Variants in ANGEL2 observed in about 807,000 individuals in gnomAD.
ANGEL2 encodes the protein RNA 2',3'-cyclic phosphatase ANGEL2.
In ANGEL2, 41 loss-of-function variants were observed where a neutral mutation model predicts 66.0. The ratio of observed to expected loss-of-function variants is 0.62; its 90% CI spans 0.48 to 0.81. The LOEUF (loss-of-function observed/expected upper bound fraction) is 0.81. Among genes scored for constraint, ANGEL2 ranks in the 30% least tolerant of loss-of-function variants. The pLI is 0.00. For synonymous variants in ANGEL2, 208 were observed against 226.5 expected (o/e 0.92, Z 0.73); for missense variants, 561 against 641.6 (o/e 0.87, Z 1.36).
chr1:213,015,232 GAGGC>G, intron 1 of ANGEL2: 1 of 1,068,534 alleles, frequency 9.4e-7, no homozygotes, highest in Non-Finnish European at 1.1e-6. Context: ...CTACTGCGGA[GAGGC>G]GGCCTCCCCG....
intron 7 of ANGEL2, among the ~76,000 whole-genome samples, chr1:212,998,339 C>T: frequency 6.6e-6 from 1 of 151,248 alleles, no homozygotes. Context: ...GAGGTGGAGG[C>T]TGCAGTGAGC....
At chr1:213,000,510 T>C in intron 6 of ANGEL2, 127 bp from the exon 7 acceptor site, 1 of 885,064 alleles carries the variant, frequency 1.1e-6, no homozygotes, top group Non-Finnish European at 1.7e-6. Context: ...TGTTTCATTC[T>C]GGAATCTATA....
rs1339685806 is a variant in ANGEL2, at chr1:212,995,040, G to A, written c.*1C>T. On this transcript the variant is annotated 3_prime_UTR_variant, in exon 9 of 9. Transcript: ENST00000366962. ...GAAAATTAGTATGTGATCAAAGAGA[G>A]TCAGAGCTCAAGTCTGAACTTTGCC... 4 of 1,598,138 alleles carry A rather than the reference G, an allele frequency of 2.5e-6. No homozygotes were observed. Among genetic ancestry groups the A allele is most frequent in the Non-Finnish European group, 3.4e-6 (4 of 1,173,764 alleles).
At chr1:213,008,153 T>TAATCTTG (rs2076392950) in intron 3 of ANGEL2, 57 bp downstream of exon 3, 1 of 1,559,180 alleles carries the variant, frequency 6.4e-7, no homozygotes, top group Admixed American at 1.8e-5. Context: ...CATGAGCCAG[T>TAATCTTG]GTGCCCGGCC....
At chr1:213,013,038 CA>C in intron 2 of ANGEL2, 54 bp downstream of exon 2, 1 of 1,533,834 alleles carries the variant, frequency 6.5e-7, no homozygotes. Context: ...ATGAAAGTTT[CA>C]ATTTAGTCTA....
At position 213,008,223 on chromosome 1, in the gene ANGEL2, T is replaced by C. The variant is rs2076396443; in HGVS notation, c.629A>G (p.His210Arg). 1 of 1,612,508 alleles carries C rather than the reference T, an allele frequency of 6.2e-7. No homozygotes were observed. The highest frequency in any genetic ancestry group is 8.5e-7 in the Non-Finnish European group (1 of 1,179,244). The change falls in exon 3 of 9, where the codon CAT becomes CGT. Residue 210 changes from histidine (H) to arginine (R), a missense_variant. His to Arg is a conservative substitution (Grantham distance 29, BLOSUM62 0). Transcript: ENST00000366962. The stretch of plus-strand genomic sequence containing the variant: ...TTTTGCACTTACGTCTGCATCAAAA[T>C]GTTTAATTTCTTTCAGAATATTGGG... ...RFPNILKEIK[H>R]FDADVLCLQE...
chr1:213,015,412 G>A, intron 1 of ANGEL2: 1 of 1,424,226 alleles, frequency 7.0e-7, no homozygotes. Context: ...TTGGCCCAGC[G>A]TCCCGCCAGC....
intron 7 of ANGEL2, among the ~76,000 whole-genome samples, chr1:212,999,411 G>T (rs1304852544): frequency 6.6e-6 from 1 of 152,106 alleles, no homozygotes; most frequent in Non-Finnish European, 1.5e-5. Flanking sequence ...CTTATTCAAA[G>T]AAGTTTTTAC....
At chr1:213,007,311 G>T in intron 3 of ANGEL2, 113 bp from the exon 4 acceptor site, 2 of 775,358 alleles carry the variant, frequency 2.6e-6, no homozygotes, top group Non-Finnish European at 4.0e-6. Context: ...CACCTGATAA[G>T]AATTGAAATA....
intron 8 of ANGEL2, among the ~76,000 whole-genome samples, chr1:212,996,150 AC>A (rs2075992617): frequency 6.6e-6 from 1 of 152,066 alleles, no homozygotes; most frequent in African/African-American, 2.4e-5. Context: ...TACTAAAAAT[AC>A]AAAAAATTAG....
intron 2 of ANGEL2, among the ~76,000 whole-genome samples, chr1:213,010,020 C>T (rs2076458246): frequency 1.4e-5 from 2 of 145,632 alleles, no homozygotes; most frequent in Admixed American, 1.4e-4. Context: ...CATTGCACTC[C>T]AGCCTGGGCA....
chr1:212,994,006 T>G lies in ANGEL2; in HGVS notation c.*1035A>C, dbSNP rs976967227. On this transcript the variant is annotated 3_prime_UTR_variant, in exon 9 of 9. Transcript: ENST00000366962. ...ACTGAATTTTTAAAAAATGCTGCCA[T>G]GTGCAGTGGCTCCCGCCTGTAATCC... is the stretch of plus-strand genomic sequence containing the variant. 6.6e-6 allele frequency: 1 copy of G among 152,150 alleles called. No individual in the cohort carries two copies. Among genetic ancestry groups the G allele is most frequent in the African/African-American group, 2.4e-5 (1 of 41,432 alleles). The allele number at this position is 152,150 out of a possible 1,614,324, so 9.4% of individuals were successfully genotyped here.
At chr1:213,004,471 T>C (rs1052935096) in intron 5 of ANGEL2, among the ~76,000 whole-genome samples, 7 of 152,210 alleles carry the variant, frequency 4.6e-5, no homozygotes, top group Admixed American at 3.3e-4. Context: ...GAAGTATCCA[T>C]GTCTGTCAAT....
chr1:213,000,050 T>C lies in ANGEL2; in HGVS notation c.1319+276A>G, dbSNP rs989739683. Among the ~76,000 whole-genome samples, 8 of 152,354 alleles carry C rather than the reference T, an allele frequency of 5.3e-5. No individual in the cohort carries two copies. In the East Asian group the frequency reaches 1.5e-3, roughly 29 times the overall value. On this transcript the variant is annotated intron_variant, in intron 7 of 8. Coordinates refer to ENST00000366962, the MANE Select transcript of ANGEL2 (RefSeq NM_144567.5). ...GTGCCTAGGTATGTTTCAGACATTGTGCTTTATATGCTTTGTCTCATCTAA... is the reference window on the plus strand; with the variant it reads ...GTGCCTAGGTATGTTTCAGACATTGCGCTTTATATGCTTTGTCTCATCTAA...
rs1202641464 is a variant in ANGEL2 at position 213,008,255 on chromosome 1, A to G, written c.597T>C (p.Phe199=). ...TTTCTTTCAGAATATTGGGAAACCTAAAACTCCAGTGTAATACTGGCCGCC... is the reference window on the plus strand; with the variant it reads ...TTTCTTTCAGAATATTGGGAAACCTGAAACTCCAGTGTAATACTGGCCGCC... The part of the protein sequence containing the change: ...HCRRPVLHWS[F]RFPNILKEIK... The change falls in exon 3 of 9, where the codon TTT becomes TTC. Residue 199 remains phenylalanine (F), a synonymous_variant. Coordinates refer to ENST00000366962, the MANE Select transcript of ANGEL2 (RefSeq NM_144567.5). 1.8e-5 allele frequency: 29 copies of G among 1,614,060 alleles called. No homozygotes were observed. The highest frequency in any genetic ancestry group is 2.4e-5 in the Non-Finnish European group (28 of 1,179,966).
At chr1:213,003,059 T>C (rs1040301132) in intron 5 of ANGEL2, among the ~76,000 whole-genome samples, 3 of 151,780 alleles carry the variant, frequency 2.0e-5, no homozygotes, top group African/African-American at 7.2e-5. Context: ...TGGAGATGGC[T>C]TCATTCTTTA....
chr1:213,000,976 T>A (rs2076162677), intron 5 of ANGEL2, 64 bp from the exon 6 acceptor site: 2 of 1,497,572 alleles, frequency 1.3e-6, no homozygotes, highest in Admixed American at 2.2e-5. Context: ...AGTTGAAAAA[T>A]TTATGTCTTA....
intron 5 of ANGEL2, among the ~76,000 whole-genome samples, chr1:213,003,819 T>C (rs1196315781): frequency 8.5e-5 from 13 of 152,212 alleles, no homozygotes; most frequent in Admixed American, 7.9e-4. Context: ...TTCAATTTTG[T>C]AAAATGCAGT....
Position 213,005,282 on chromosome 1 carries a change from T to C in ANGEL2, c.885A>G (p.Lys295=). 6.2e-7 allele frequency: 1 copy of C among 1,614,218 alleles called. No individual in the cohort carries two copies. The highest frequency in any genetic ancestry group is 8.5e-7 in the Non-Finnish European group (1 of 1,180,042). The part of the protein sequence containing the change: ...NVGLVLLLQP[K]IPYAACPAIC... ...TTGCAGGGCAGGCAGCATATGGAAT[T>C]TTGGGCTGTAAGAGTAAAACTAATC... Residue 295 remains lysine, a synonymous_variant, in exon 5 of 9, where the codon AAA becomes AAG. Coordinates refer to ENST00000366962, the MANE Select transcript of ANGEL2 (RefSeq NM_144567.5).
Sources: allele counts gnomAD v4.1 joint callset (sites outside exome capture counted in the v4.1 genomes callset), GRCh38; gene constraint gnomAD v4.1.1; transcripts MANE v1.5; gene names NCBI Gene and HGNC (gene_info 2026-07-23, HGNC 2026-07-21).